The following MCF2L2 variants were observed in gnomAD, a reference collection of about 807,000 sequenced individuals.
MCF2L2 encodes probable guanine nucleotide exchange factor MCF2L2.
MCF2L2 carries 102 observed loss-of-function variants against 150.2 expected under a neutral mutation model. The ratio of observed to expected loss-of-function variants is 0.68; its 90% CI spans 0.58 to 0.80. MCF2L2 has a LOEUF of 0.80. Among genes scored for constraint, MCF2L2 ranks in the 30% least tolerant of loss-of-function variants. The pLI is 0.00. For synonymous variants in MCF2L2, 465 were observed against 491.3 expected (o/e 0.95, Z 0.71); for missense variants, 1,256 against 1,372.8 (o/e 0.91, Z 1.34).
rs537234167 is a variant in MCF2L2 at position 183,248,722 on chromosome 3, C to A, written c.1863-17705G>T. On this transcript the variant is annotated intron_variant, in intron 15 of 29. Transcript: ENST00000328913. ...GCGTGATGGGGTGCACCTGTAGTCCCCACTACTCAGGAGGCTGAGACAGGA... is the reference window on the plus strand; with the variant it reads ...GCGTGATGGGGTGCACCTGTAGTCCACACTACTCAGGAGGCTGAGACAGGA... Among the ~76,000 whole-genome samples the A allele has an allele frequency of 2.4e-3, 365 of 152,076 alleles. 1 individual carries two copies. Among genetic ancestry groups the A allele is most frequent in the South Asian group, 0.014 (69 of 4,804 alleles).
At chr3:183,269,885 G>GT in intron 15 of MCF2L2, 7 of 1,613,906 alleles carry the variant, frequency 4.3e-6, no homozygotes, top group Non-Finnish European at 5.9e-6. Context: ...CGAGCCTCAT[G>GT]TTTTTTTGGG....
At chr3:183,198,522 T>C (rs1164771625) in intron 25 of MCF2L2, among the ~76,000 whole-genome samples, 1 of 152,168 alleles carries the variant, frequency 6.6e-6, no homozygotes, top group East Asian at 1.9e-4. Context: ...GGTGATGCCT[T>C]ACAGATGTAT....
chr3:183,330,480 G>A (rs565029287), intron 5 of MCF2L2, among the ~76,000 whole-genome samples: 2 of 152,236 alleles, frequency 1.3e-5, no homozygotes, highest in Admixed American at 1.3e-4. Context: ...GCAGATCAGT[G>A]GCAGCCAGGG....
chr3:183,422,171 ACT>A (rs1296642482), intron 1 of MCF2L2, among the ~76,000 whole-genome samples: 2 of 152,044 alleles, frequency 1.3e-5, no homozygotes, highest in African/African-American at 4.8e-5. Flanking sequence ...GGTTCAGAGG[ACT>A]CTCTGATAAA....
chr3:183,295,712 A>G (rs1728463101), intron 12 of MCF2L2, among the ~76,000 whole-genome samples: 1 of 152,078 alleles, frequency 6.6e-6, no homozygotes, highest in African/African-American at 2.4e-5. Context: ...ACATCCTTTC[A>G]CTATGGCGTC....
chr3:183,211,698 C>G (rs775353737), intron 22 of MCF2L2, among the ~76,000 whole-genome samples: 3 of 152,248 alleles, frequency 2.0e-5, no homozygotes, highest in Non-Finnish European at 4.4e-5. Flanking sequence ...CGTTGCACAA[C>G]CTCTTTCAGA....
intron 3 of MCF2L2, among the ~76,000 whole-genome samples, chr3:183,356,006 A>C (rs115737925): frequency 0.02 from 3,111 of 152,172 alleles, 96 homozygotes; most frequent in African/African-American, 0.069. Context: ...CAGCCTTGCA[A>C]ACCTCTTCCT....
At chr3:183,317,291 G>A (rs1194742758) in intron 7 of MCF2L2, among the ~76,000 whole-genome samples, 1 of 152,110 alleles carries the variant, frequency 6.6e-6, no homozygotes, top group East Asian at 1.9e-4. Context: ...CACATACACT[G>A]ACCGTCCAAT....
At chr3:183,286,465 T>C (rs74706586) in intron 14 of MCF2L2, among the ~76,000 whole-genome samples, 3,014 of 152,332 alleles carry the variant, frequency 0.02, 60 homozygotes, top group East Asian at 0.052. Flanking sequence ...CAAGCTGCAA[T>C]GATTATTGTT....
chr3:183,413,440 T>A (rs1054523088), intron 1 of MCF2L2, among the ~76,000 whole-genome samples: 13 of 152,210 alleles, frequency 8.5e-5, no homozygotes, highest in African/African-American at 2.4e-4. Context: ...CCATGGGTCT[T>A]ACAATGCAGT....
chr3:183,331,521 C>T (rs1048043866), intron 5 of MCF2L2, among the ~76,000 whole-genome samples: 2 of 152,158 alleles, frequency 1.3e-5, no homozygotes, highest in African/African-American at 4.8e-5. Flanking sequence ...TGCTTAAAAC[C>T]GTTCTTTCAA....
At chr3:183,217,556 G>GA (rs1722992254) in intron 21 of MCF2L2, among the ~76,000 whole-genome samples, 1 of 152,204 alleles carries the variant, frequency 6.6e-6, no homozygotes, top group East Asian at 1.9e-4. Context: ...ATTCCTGTGG[G>GA]AAAAATTATA....
In MCF2L2 at chr3:183,327,780, C is replaced by T. The variant is rs551431119; in HGVS notation, c.487-4429G>A. Among the ~76,000 whole-genome samples, 6 of 152,258 alleles carry T rather than the reference C, an allele frequency of 3.9e-5. No individual in the cohort carries two copies. The South Asian group carries it at 1.2e-3, about 32-fold the overall frequency. On this transcript the variant is annotated intron_variant, in intron 5 of 29. Coordinates refer to ENST00000328913, the MANE Select transcript of MCF2L2 (RefSeq NM_015078.4). ...ATGGATCATAGATCTAAACATGAAA[C>T]ATTAAACTTGGAAGAAAATGTAGAA...
At position 183,355,613 on chromosome 3, in the gene MCF2L2, A is replaced by ATT. The variant is rs71185653; in HGVS notation, c.276-13985_276-13984dup. 8.4e-3 allele frequency among the ~76,000 whole-genome samples: 710 copies of ATT among 84,390 alleles called. 16 individuals are homozygous for ATT. The highest frequency in any genetic ancestry group is 0.029 in the African/African-American group (522 of 18,176). The allele number at this position is 84,390 out of a possible 152,430, so 55.4% of individuals were successfully genotyped here. A position where few individuals can be genotyped will look rare whatever the true frequency, so the allele number is the denominator to read the frequency against. ...AGGCGCCCGCCACCACGCCCAGCTA[A>ATT]TTTTTTTTTTTTTTTTTTTTTTTTT... is the stretch of plus-strand genomic sequence containing the variant. On this transcript the variant is annotated intron_variant, in intron 3 of 29. Coordinates refer to ENST00000328913, the MANE Select transcript of MCF2L2 (RefSeq NM_015078.4).
chr3:183,187,200 G>C (rs1721728331), intron 27 of MCF2L2, among the ~76,000 whole-genome samples: 1 of 152,146 alleles, frequency 6.6e-6, no homozygotes, highest in Admixed American at 6.5e-5. Context: ...CACAAAAATT[G>C]GCAAAGAAAC....
intron 1 of MCF2L2, among the ~76,000 whole-genome samples, chr3:183,423,232 G>A (rs951732530): frequency 6.6e-6 from 1 of 152,138 alleles, no homozygotes; most frequent in Non-Finnish European, 1.5e-5. Flanking sequence ...AACAGCTGAG[G>A]CATGGACTCT....
chr3:183,280,288 G>GA (rs146221411), intron 14 of MCF2L2, among the ~76,000 whole-genome samples: 3,906 of 151,588 alleles, frequency 0.026, 171 homozygotes, highest in African/African-American at 0.087. Context: ...TCTCAAAATT[G>GA]AAAAAAACGC....
In MCF2L2 at chr3:183,245,380, G is replaced by A. The variant is rs963760964; in HGVS notation, c.1863-14363C>T. Among the ~76,000 whole-genome samples, 8 of 152,272 alleles carry A rather than the reference G, an allele frequency of 5.3e-5. No individual in the cohort carries two copies. In the East Asian group the frequency reaches 1.2e-3, roughly 22 times the overall value. On this transcript the variant is annotated intron_variant, in intron 15 of 29. Transcript: ENST00000328913. ...GAGGAGTAAACTCCAGCAGGGGCTG[G>A]AGTCATGGCCACACACAGGGCCTTA... is the stretch of plus-strand genomic sequence containing the variant.
At chr3:183,393,958 C>A (rs917131790) in intron 1 of MCF2L2, among the ~76,000 whole-genome samples, 2 of 152,170 alleles carry the variant, frequency 1.3e-5, no homozygotes, top group Admixed American at 1.3e-4. Flanking sequence ...CACTCTTGCT[C>A]TTCTGAAATT....
Sources: allele counts gnomAD v4.1 joint callset (sites outside exome capture counted in the v4.1 genomes callset), GRCh38; gene constraint gnomAD v4.1.1; transcripts MANE v1.5; gene names NCBI Gene and HGNC (gene_info 2026-07-23, HGNC 2026-07-21).